The following CCDC178 variants were observed in gnomAD, a reference collection of about 807,000 sequenced individuals.
The protein encoded by CCDC178 is coiled-coil domain containing 178.
Under a neutral mutation model 117.4 loss-of-function variants are expected in CCDC178, and 126 were observed. That is an observed-to-expected ratio of 1.07 (90% CI 0.93 to 1.24). CCDC178 has a LOEUF of 1.24. Ranked by LOEUF, CCDC178 falls within the 50% of genes most tolerant of loss-of-function variation. The pLI is 0.00. For synonymous variants in CCDC178, 283 were observed against 313.4 expected (o/e 0.90, Z 1.02); for missense variants, 1,030 against 986.9 (o/e 1.04, Z -0.59).
chr18:32,982,023 ACGTGT>A (rs2055163425), intron 21 of CCDC178, among the ~76,000 whole-genome samples: 1 of 152,134 alleles, frequency 6.6e-6, no homozygotes, highest in Non-Finnish European at 1.5e-5. Flanking sequence ...CAGCTTATAC[ACGTGT>A]CATATGCTAA....
chr18:33,071,212 T>C (rs2057103101), intron 21 of CCDC178, among the ~76,000 whole-genome samples: 1 of 152,066 alleles, frequency 6.6e-6, no homozygotes, highest in African/African-American at 2.4e-5. Context: ...GATGGAAAGG[T>C]GGACGCATAG....
chr18:33,269,118 G>C (rs1159219832), intron 12 of CCDC178, among the ~76,000 whole-genome samples: 3 of 151,778 alleles, frequency 2.0e-5, no homozygotes, highest in African/African-American at 7.2e-5. Flanking sequence ...CCACTTGCAA[G>C]GATGTCTGCA....
chr18:33,036,982 G>T (rs2056456572), intron 21 of CCDC178, among the ~76,000 whole-genome samples: 1 of 151,914 alleles, frequency 6.6e-6, no homozygotes, highest in Non-Finnish European at 1.5e-5. Flanking sequence ...TTGCGTGAAA[G>T]AAGGAGAGTC....
At chr18:33,088,639 T>C (rs2057417946) in intron 21 of CCDC178, among the ~76,000 whole-genome samples, 1 of 152,186 alleles carries the variant, frequency 6.6e-6, no homozygotes, top group East Asian at 1.9e-4. Context: ...ATTGAATGAA[T>C]GAATTACAAG....
intron 6 of CCDC178, among the ~76,000 whole-genome samples, chr18:33,357,925 A>T (rs562105975): frequency 6.6e-6 from 1 of 151,140 alleles, no homozygotes; most frequent in African/African-American, 2.4e-5. Flanking sequence ...CATTCTCAGA[A>T]ATTCATTGCT....
At chr18:33,304,380 G>C (rs1454774017) in intron 11 of CCDC178, among the ~76,000 whole-genome samples, 7 of 152,174 alleles carry the variant, frequency 4.6e-5, no homozygotes, top group Admixed American at 4.6e-4. Flanking sequence ...CCTCTCCATA[G>C]AGCATCTCAA....
At chr18:33,348,800 C>T in intron 8 of CCDC178, 90 bp downstream of exon 8, 1 of 808,054 alleles carries the variant, frequency 1.2e-6, no homozygotes, top group Non-Finnish European at 2.0e-6. Context: ...AATTCTTAAA[C>T]ATGATTATTG....
intron 21 of CCDC178, among the ~76,000 whole-genome samples, chr18:33,030,766 A>C (rs1359582032): frequency 1.3e-5 from 2 of 152,122 alleles, no homozygotes; most frequent in Non-Finnish European, 2.9e-5. Flanking sequence ...TAGATGATAG[A>C]TGACAGATAG....
At chr18:33,026,009 A>C (rs1352238260) in intron 21 of CCDC178, among the ~76,000 whole-genome samples, 2 of 152,164 alleles carry the variant, frequency 1.3e-5, no homozygotes, top group Admixed American at 6.5e-5. Flanking sequence ...ACTATAGTAC[A>C]GTCATACCAT....
At chr18:33,411,934 A>G (rs958433719) in intron 3 of CCDC178, 97 bp downstream of exon 3, 1 of 582,106 alleles carries the variant, frequency 1.7e-6, no homozygotes, top group African/African-American at 2.0e-5. Context: ...ATCTTGGAAA[A>G]GATTACTATC....
chr18:32,942,146 TG>T (rs2054252675), intron 22 of CCDC178, among the ~76,000 whole-genome samples: 1 of 152,144 alleles, frequency 6.6e-6, no homozygotes, highest in Non-Finnish European at 1.5e-5. Context: ...TCACATGGTT[TG>T]TAAAGTCTTT....
In CCDC178 at chr18:33,129,779, C is replaced by T. The variant is rs181266931; in HGVS notation, c.2239-36869G>A. On this transcript the variant is annotated intron_variant, in intron 20 of 22. Coordinates refer to ENST00000383096, the MANE Select transcript of CCDC178 (RefSeq NM_001105528.4). ...TTATGGGTAGTTGCTACAATTTTAA[C>T]AGATCAGACAAAAGCTGATCCAAAA... Among the ~76,000 whole-genome samples the T allele has an allele frequency of 1.3e-3, 200 of 152,046 alleles. 2 individuals carry two copies. Among genetic ancestry groups the T allele is most frequent in the Admixed American group, 0.01 (157 of 15,260 alleles).
At chr18:33,313,727 C>T (rs1258879767) in intron 11 of CCDC178, among the ~76,000 whole-genome samples, 2 of 152,054 alleles carry the variant, frequency 1.3e-5, no homozygotes, top group Non-Finnish European at 2.9e-5. Flanking sequence ...ACCTTAATAC[C>T]CACCCTGCAT....
intron 12 of CCDC178, among the ~76,000 whole-genome samples, chr18:33,281,506 T>C (rs1395857268): frequency 6.6e-6 from 1 of 152,234 alleles, no homozygotes; most frequent in Admixed American, 6.5e-5. Context: ...TACCAACATC[T>C]AAATTATACA....
At chr18:33,321,707 A>G (rs1421981014) in intron 11 of CCDC178, among the ~76,000 whole-genome samples, 1 of 151,928 alleles carries the variant, frequency 6.6e-6, no homozygotes, top group Non-Finnish European at 1.5e-5. Flanking sequence ...AAATTCAAGA[A>G]ATAAGAAAAT....
chr18:33,200,732 A>T (rs1568051590), intron 20 of CCDC178, among the ~76,000 whole-genome samples: 1 of 152,154 alleles, frequency 6.6e-6, no homozygotes, highest in Non-Finnish European at 1.5e-5. Context: ...ATTTCCTGCA[A>T]GCCCCTCTTC....
At chr18:33,048,629 T>C (rs954962098) in intron 21 of CCDC178, among the ~76,000 whole-genome samples, 1 of 152,178 alleles carries the variant, frequency 6.6e-6, no homozygotes, top group Non-Finnish European at 1.5e-5. Flanking sequence ...AATATTTGTA[T>C]AACAAATCTC....
chr18:33,228,355 A>C (rs1307017934), intron 15 of CCDC178, among the ~76,000 whole-genome samples: 2 of 152,212 alleles, frequency 1.3e-5, no homozygotes, highest in Admixed American at 6.5e-5. Flanking sequence ...CTAGTGAGAA[A>C]GCAAGTTATT....
At chr18:33,140,317 C>T (rs1396149991) in intron 20 of CCDC178, among the ~76,000 whole-genome samples, 2 of 152,080 alleles carry the variant, frequency 1.3e-5, no homozygotes, top group Non-Finnish European at 2.9e-5. Flanking sequence ...ATCCTCCAGA[C>T]CCCAGAATTA....
Sources: gnomAD v4.1 joint callset for allele counts (sites outside exome capture counted in the v4.1 genomes callset) on GRCh38, gnomAD v4.1.1 for gene constraint, MANE v1.5 for transcripts, NCBI Gene and HGNC (gene_info 2026-07-23, HGNC 2026-07-21) for gene names.